The following SKAP1 variants were observed in gnomAD, a reference collection of about 807,000 sequenced individuals.
SKAP1 encodes src kinase-associated phosphoprotein 1.
In SKAP1, 44 loss-of-function variants were observed where a neutral mutation model predicts 58.5. The ratio of observed to expected loss-of-function variants is 0.75; its 90% CI spans 0.59 to 0.97. The LOEUF is 0.97. Among genes scored for constraint, SKAP1 ranks in the 50% least tolerant of loss-of-function variants. SKAP1 has a pLI of 0.00. For synonymous variants in SKAP1, 127 were observed against 149.7 expected (o/e 0.85, Z 1.11); for missense variants, 390 against 435.2 (o/e 0.90, Z 0.92).
intron 4 of SKAP1, among the ~76,000 whole-genome samples, chr17:48,275,437 C>T (rs1219480850): frequency 2.0e-5 from 3 of 152,202 alleles, no homozygotes; most frequent in African/African-American, 7.2e-5. Flanking sequence ...GATATTATCT[C>T]TGGTCCTCTT....
At chr17:48,303,968 T>C (rs1031795112) in intron 4 of SKAP1, among the ~76,000 whole-genome samples, 1 of 152,174 alleles carries the variant, frequency 6.6e-6, no homozygotes, top group Non-Finnish European at 1.5e-5. Context: ...TTTGTTTTTA[T>C]CACATCACCT....
intron 4 of SKAP1, among the ~76,000 whole-genome samples, chr17:48,195,836 A>G (rs988959748): frequency 2.0e-5 from 3 of 152,198 alleles, no homozygotes; most frequent in Non-Finnish European, 4.4e-5. Context: ...TTTTAAAAAT[A>G]CCAGTGAATC....
intron 4 of SKAP1, among the ~76,000 whole-genome samples, chr17:48,328,983 T>G (rs1423698768): frequency 6.6e-6 from 1 of 152,248 alleles, no homozygotes; most frequent in African/African-American, 2.4e-5. Flanking sequence ...CATATGGCTA[T>G]TTAAGGGTAT....
chr17:48,204,973 T>TTTCTTTCTTTCTTTCTTTTTC (rs1555602828), intron 4 of SKAP1, among the ~76,000 whole-genome samples: 3 of 77,296 alleles, frequency 3.9e-5, no homozygotes, highest in African/African-American at 1.9e-4. Context: ...TTTTCTTTTC[T>TTTCTTTCTTTCTTTCTTTTTC]TTTCTTTCTT....
chr17:48,168,822 T>C (rs1002694396), intron 10 of SKAP1, among the ~76,000 whole-genome samples: 4 of 152,230 alleles, frequency 2.6e-5, no homozygotes, highest in Non-Finnish European at 2.9e-5. Context: ...CTATCTTTTA[T>C]TGTTACAAAA....
chr17:48,180,558 G>C (rs2064354642), intron 8 of SKAP1, among the ~76,000 whole-genome samples: 1 of 152,130 alleles, frequency 6.6e-6, no homozygotes. Context: ...GAAGAAAATA[G>C]GCCAGAAGAG....
At chr17:48,440,594 T>C in the SKAP1 span, among the ~76,000 whole-genome samples, 1 of 152,160 alleles carries the variant, frequency 6.6e-6, no homozygotes, top group Non-Finnish European at 1.5e-5. Context: ...TTTCAACATC[T>C]TCACTCCAAG....
intron 4 of SKAP1, among the ~76,000 whole-genome samples, chr17:48,306,247 T>C (rs1321928178): frequency 6.6e-6 from 1 of 152,198 alleles, no homozygotes; most frequent in Non-Finnish European, 1.5e-5. Context: ...TTATTCCCAG[T>C]ATAACATATC....
intron 1 of SKAP1, among the ~76,000 whole-genome samples, chr17:48,405,450 TTTTCTTTC>T (rs71141993): frequency 0.11 from 10,304 of 93,800 alleles, 750 homozygotes; most frequent in African/African-American, 0.17. Flanking sequence ...TCTTTCTTTC[TTTTCTTTC>T]TTTCTTTCCT....
chr17:48,280,724 T>TAG (rs1478856235), intron 4 of SKAP1, among the ~76,000 whole-genome samples: 2 of 152,234 alleles, frequency 1.3e-5, no homozygotes, highest in African/African-American at 2.4e-5. Flanking sequence ...TTTGTGTCTA[T>TAG]AGCTTTGACT....
chr17:48,406,304 T>C (rs967261600), intron 1 of SKAP1, among the ~76,000 whole-genome samples: 6 of 148,562 alleles, frequency 4.0e-5, no homozygotes, highest in African/African-American at 1.5e-4. Flanking sequence ...AAAAGCAGCA[T>C]ACAAACTTTA....
chr17:48,182,572 G>A (rs1359403737), intron 7 of SKAP1, 115 bp from the exon 8 acceptor site: 8 of 702,314 alleles, frequency 1.1e-5, no homozygotes, highest in Non-Finnish European at 2.0e-5. Flanking sequence ...TAAAGCTCAG[G>A]ATTCTCTGCC....
chr17:48,297,087 CTGT>C (rs1448949670), intron 4 of SKAP1, among the ~76,000 whole-genome samples: 1 of 152,164 alleles, frequency 6.6e-6, no homozygotes, highest in Non-Finnish European at 1.5e-5. Flanking sequence ...AGGCCTTACC[CTGT>C]TGTTGACTGA....
At chr17:48,158,742 C>T (rs1244310614) in intron 11 of SKAP1, among the ~76,000 whole-genome samples, 1 of 151,668 alleles carries the variant, frequency 6.6e-6, no homozygotes, top group Non-Finnish European at 1.5e-5. Flanking sequence ...GGGCGGATCA[C>T]GAGGTCAGGA....
At chr17:48,327,485 C>T (rs74453992) in intron 4 of SKAP1, among the ~76,000 whole-genome samples, 1,926 of 152,290 alleles carry the variant, frequency 0.013, 35 homozygotes, top group African/African-American at 0.043. Flanking sequence ...CCATGTAAGA[C>T]ATTTTATTAT....
intron 12 of SKAP1, chr17:48,136,629 C>G (rs568245145): frequency 1.5e-4 from 23 of 152,046 alleles, no homozygotes; most frequent in African/African-American, 5.3e-4. Flanking sequence ...CCTTGGACCA[C>G]TTACCTCTAG....
At chr17:48,411,672 T>C (rs2067667988) in intron 1 of SKAP1, among the ~76,000 whole-genome samples, 1 of 152,178 alleles carries the variant, frequency 6.6e-6, no homozygotes, top group Non-Finnish European at 1.5e-5. Flanking sequence ...ATCATGCTGA[T>C]AGCACGTACA....
rs149472757 is a variant in SKAP1, at chr17:48,251,263, T to C, written c.281-61763A>G. Among the ~76,000 whole-genome samples the C allele has an allele frequency of 4.6e-5, 7 of 152,324 alleles. No homozygotes were observed. The East Asian group carries it at 1.2e-3, about 25-fold the overall frequency. ...AAAGTCTATTCTGCAGCAGGAAACATGCCTAGTGGAGTTTCTTAATGAACA... is the reference window on the plus strand; with the variant it reads ...AAAGTCTATTCTGCAGCAGGAAACACGCCTAGTGGAGTTTCTTAATGAACA... On this transcript the variant is annotated intron_variant, in intron 4 of 12. Coordinates refer to ENST00000336915, the MANE Select transcript of SKAP1 (RefSeq NM_003726.4).
intron 4 of SKAP1, among the ~76,000 whole-genome samples, chr17:48,193,961 A>G (rs989348470): frequency 6.6e-6 from 1 of 152,154 alleles, no homozygotes; most frequent in Non-Finnish European, 1.5e-5. Flanking sequence ...ATTACCTGAG[A>G]AAAGATATCA....
Sources: allele counts gnomAD v4.1 joint callset (sites outside exome capture counted in the v4.1 genomes callset), GRCh38; gene constraint gnomAD v4.1.1; transcripts MANE v1.5; gene names NCBI Gene and HGNC (gene_info 2026-07-23, HGNC 2026-07-21).